The following GMPS variants were observed in gnomAD, a reference collection of about 807,000 sequenced individuals.
GMPS encodes GMP synthase [glutamine-hydrolyzing].
GMPS carries 15 observed loss-of-function variants against 77.9 expected under a neutral mutation model. That is an observed-to-expected ratio of 0.19 (90% confidence interval 0.13 to 0.30). GMPS has a LOEUF of 0.30. Ranked by LOEUF, GMPS falls within the 10% of genes least tolerant of loss-of-function variation. The pLI is 1.00. For missense variants in GMPS, 590 were observed against 838.8 expected (o/e 0.70, Z 3.66); for synonymous variants, 224 against 275.9 (o/e 0.81, Z 1.86).
At chr3:155,936,183 GC>G (rs1755760994) in intron 14 of GMPS, among the ~76,000 whole-genome samples, 154 bp from the exon 15 acceptor site, 1 of 152,172 alleles carries the variant, frequency 6.6e-6, no homozygotes, top group East Asian at 1.9e-4. Context: ...CATTTAAAAT[GC>G]TCTGCGAGTA....
chr3:155,934,828 T>C (rs1291212196), intron 13 of GMPS, 88 bp from the exon 14 acceptor site: 3 of 833,974 alleles, frequency 3.6e-6, no homozygotes, highest in Non-Finnish European at 5.9e-6. Context: ...AGAATGTTAC[T>C]GTTCTAAGTG....
intron 7 of GMPS, among the ~76,000 whole-genome samples, chr3:155,911,967 G>C (rs763422771): frequency 3.9e-5 from 6 of 152,096 alleles, no homozygotes; most frequent in Non-Finnish European, 7.4e-5. Flanking sequence ...TATTGTGGGA[G>C]AGGTAAAGAT....
chr3:155,887,228 T>C (rs9819269), intron 1 of GMPS, among the ~76,000 whole-genome samples: 3,197 of 152,274 alleles, frequency 0.021, 105 homozygotes, highest in African/African-American at 0.072. Flanking sequence ...TTGAACAGTC[T>C]AAGGGGAAGT....
At chr3:155,891,725 G>A (rs2108071068) in intron 1 of GMPS, among the ~76,000 whole-genome samples, 1 of 151,258 alleles carries the variant, frequency 6.6e-6, no homozygotes, top group African/African-American at 2.4e-5. Context: ...TCCTGCCTCA[G>A]CCTCCCGAGT....
chr3:155,911,827 G>A (rs1407607739), intron 7 of GMPS, among the ~76,000 whole-genome samples: 4 of 136,354 alleles, frequency 2.9e-5, no homozygotes, highest in South Asian at 2.3e-4. Flanking sequence ...CAACAAGAGC[G>A]AAACTCCATC....
intron 10 of GMPS, among the ~76,000 whole-genome samples, chr3:155,920,858 AG>A (rs1755302273): frequency 6.6e-6 from 1 of 152,202 alleles, no homozygotes; most frequent in Non-Finnish European, 1.5e-5. Flanking sequence ...AGGCATCTCA[AG>A]TGATGCCTTT....
chr3:155,892,487 C>T (rs940392348), intron 1 of GMPS, among the ~76,000 whole-genome samples: 1 of 152,152 alleles, frequency 6.6e-6, no homozygotes, highest in African/African-American at 2.4e-5. Context: ...CATCCATAGC[C>T]ACCTACTTTT....
chr3:155,881,474 A>T (rs11716272), intron 1 of GMPS, among the ~76,000 whole-genome samples: 6,597 of 152,088 alleles, frequency 0.043, 210 homozygotes, highest in Non-Finnish European at 0.061. Flanking sequence ...TCCTGGCTTG[A>T]TATTAGTTTT....
At chr3:155,894,413 C>T (rs758924115) in intron 2 of GMPS, among the ~76,000 whole-genome samples, 22 of 151,938 alleles carry the variant, frequency 1.4e-4, no homozygotes, top group Non-Finnish European at 2.6e-4. Context: ...TAGTACAGAA[C>T]GGGTTTCACC....
intron 5 of GMPS, among the ~76,000 whole-genome samples, chr3:155,908,126 A>C (rs564120765): frequency 1.4e-4 from 22 of 152,086 alleles, no homozygotes; most frequent in African/African-American, 5.3e-4. Flanking sequence ...GCAAGAAGAC[A>C]AGCTAGGAAT....
At chr3:155,884,427 AC>A (rs1222861091) in intron 1 of GMPS, among the ~76,000 whole-genome samples, 1 of 152,052 alleles carries the variant, frequency 6.6e-6, no homozygotes, top group African/African-American at 2.4e-5. Context: ...GAGGCAAAGA[AC>A]AGTATACTTT....
chr3:155,892,324 T>A (rs1181591439), intron 1 of GMPS, among the ~76,000 whole-genome samples: 2 of 152,124 alleles, frequency 1.3e-5, no homozygotes, highest in Non-Finnish European at 1.5e-5. Context: ...ACACACAAAC[T>A]TTTAAAGCGT....
intron 13 of GMPS, 63 bp from the exon 14 acceptor site, chr3:155,934,853 C>T: frequency 2.7e-6 from 3 of 1,121,996 alleles, no homozygotes; most frequent in Non-Finnish European, 4.0e-6. Context: ...GCTTCTCATA[C>T]TAAAATGTAA....
At chr3:155,917,646 G>A (rs921762147) in intron 9 of GMPS, among the ~76,000 whole-genome samples, 2 of 152,162 alleles carry the variant, frequency 1.3e-5, no homozygotes, top group Admixed American at 1.3e-4. Context: ...GCTGAGGCGG[G>A]TGGATCACCT....
intron 1 of GMPS, among the ~76,000 whole-genome samples, chr3:155,871,157 G>T (rs1753895373): frequency 6.6e-6 from 1 of 152,028 alleles, no homozygotes; most frequent in Non-Finnish European, 1.5e-5. Flanking sequence ...CGGCCGCGTC[G>T]CTGGCCCCCG....
intron 6 of GMPS, 105 bp from the exon 7 acceptor site, chr3:155,911,009 C>T: frequency 9.0e-7 from 1 of 1,106,654 alleles, no homozygotes. Flanking sequence ...AGTTACCATA[C>T]ATATCTTTGG....
At chr3:155,893,212 C>A (rs184536390) in intron 1 of GMPS, among the ~76,000 whole-genome samples, 3 of 152,204 alleles carry the variant, frequency 2.0e-5, no homozygotes, top group African/African-American at 7.2e-5. Flanking sequence ...TATATTTTGG[C>A]GCAGCTGGAT....
At position 155,942,455 on chromosome 3, in the gene GMPS, C is replaced by A. The variant is rs573061081; in HGVS notation, c.*4763C>A. 2.7e-5 allele frequency: 6 copies of A among 222,850 alleles called. No homozygotes were observed. In the East Asian group the frequency reaches 3.3e-4, roughly 12 times the overall value. The allele number at this position is 222,850 out of a possible 1,614,324, so 13.8% of individuals were successfully genotyped here. A position where few individuals can be genotyped will look rare whatever the true frequency, so the allele number is the denominator to read the frequency against. Reference sequence around the variant, plus strand: ...TTGAGGGCCATACCTAGCCTGTCTTCATCAAACTCATAGGTGAATCTTTGT... The same window carrying A: ...TTGAGGGCCATACCTAGCCTGTCTTAATCAAACTCATAGGTGAATCTTTGT... On this transcript the variant is annotated 3_prime_UTR_variant, in exon 16 of 16. Coordinates refer to ENST00000496455, the MANE Select transcript of GMPS (RefSeq NM_003875.3).
chr3:155,888,204 A>G (rs1754381309), intron 1 of GMPS, among the ~76,000 whole-genome samples: 1 of 122,512 alleles, frequency 8.2e-6, no homozygotes, highest in South Asian at 2.4e-4. Context: ...AAAATACCCA[A>G]AGGCTTTTTT....
Sources: allele counts gnomAD v4.1 joint callset (sites outside exome capture counted in the v4.1 genomes callset), GRCh38; gene constraint gnomAD v4.1.1; transcripts MANE v1.5; gene names NCBI Gene and HGNC (gene_info 2026-07-23, HGNC 2026-07-21).